PLEKHA6: variants seen among roughly 807,000 people sequenced by gnomAD.
PLEKHA6 encodes pleckstrin homology domain-containing family A member 6.
In PLEKHA6, 60 loss-of-function variants were observed where a neutral mutation model predicts 116.7. The ratio of observed to expected loss-of-function variants is 0.51; its 90% CI spans 0.42 to 0.64. The LOEUF is 0.64. PLEKHA6 is among the 30% of genes least tolerant of loss of function. The pLI is 0.00. For synonymous variants in PLEKHA6, 489 were observed against 556.1 expected, an observed-to-expected ratio of 0.88 and a Z score of 1.70; for missense variants, 1,338 against 1,422.7, an observed-to-expected ratio of 0.94 and a Z score of 0.96.
intron 1 of PLEKHA6, chr1:204,275,691 G>A (rs543179570): frequency 1.5e-4 from 148 of 984,834 alleles, no homozygotes; most frequent in Middle Eastern, 1.0e-3. Flanking sequence ...CAGACAGAGC[G>A]CAGAGGGGCT....
At position 204,245,632 on chromosome 1, in the gene PLEKHA6, T is replaced by C; in HGVS notation, c.2015A>G (p.Asp672Gly). The C allele has an allele frequency of 1.2e-6, 2 of 1,610,978 alleles. No individual in the cohort carries two copies. Among genetic ancestry groups the C allele is most frequent in the Non-Finnish European group, 1.7e-6 (2 of 1,177,392 alleles). ...LRKNNPSRGTDTAKHRGGLGP... is the reference protein window; with the variant it reads ...LRKNNPSRGTGTAKHRGGLGP... ...GCACCCACCTCTGTGCTTGGCGGTGTCCGTGCCCCGGGAGGGGTTGTTCTT... is the reference window on the plus strand; with the variant it reads ...GCACCCACCTCTGTGCTTGGCGGTGCCCGTGCCCCGGGAGGGGTTGTTCTT... Residue 672 changes from aspartate to glycine, a missense_variant, in exon 14 of 23, where the codon GAC becomes GGC. By Grantham distance (94) the Asp-to-Gly change is moderately conservative (BLOSUM62 -1). This residue lies in a region of PLEKHA6 where 1,136 missense variants were observed against 1,163.6 expected (regional missense o/e 0.98). Coordinates refer to ENST00000272203, the MANE Select transcript of PLEKHA6 (RefSeq NM_014935.5).
In PLEKHA6 at chr1:204,257,454, G is replaced by A. The variant is rs769675445; in HGVS notation, c.1423C>T (p.Arg475Cys). 7.3e-5 allele frequency: 115 copies of A among 1,570,168 alleles called. No homozygotes were observed. Among genetic ancestry groups the A allele is most frequent in the Admixed American group, 1.5e-4 (8 of 53,006 alleles). Residue 475 changes from arginine (R) to cysteine (C), a missense_variant, in exon 9 of 23, where the codon CGC (arginine) becomes TGC (cysteine). Arg to Cys is a radical substitution (Grantham distance 180). Around this residue, in one of 3 missense-constraint regions of PLEKHA6, gnomAD observed 1,136 missense variants for 1,163.6 expected, o/e 0.98. Transcript: ENST00000272203. This position sits in a 1 kb window ranked among gnomAD's most constrained non-coding sequence, Gnocchi z 6.5. The part of the protein sequence containing the change: ...YSRARIYSPV[R>C]SPSARFERLP... Reference sequence around the variant, plus strand: ...CGCTCAAAACGGGCACTGGGTGAGCGGACAGGGGAGTAAATGCGGGCACGG... The same window carrying A: ...CGCTCAAAACGGGCACTGGGTGAGCAGACAGGGGAGTAAATGCGGGCACGG...
At chr1:204,265,082 T>C in intron 5 of PLEKHA6, 40 bp from the exon 6 acceptor site, 1 of 1,331,430 alleles carries the variant, frequency 7.5e-7, no homozygotes, top group Non-Finnish European at 1.1e-6. Context: ...TGTGTGTGTG[T>C]GTGCAAGCGT....
chr1:204,223,449 G>T lies in PLEKHA6; in HGVS notation c.*8+13C>A, dbSNP rs567008498. On this transcript the variant is annotated intron_variant, in intron 22 of 22. Transcript: ENST00000272203. This position sits in a 1 kb window ranked among gnomAD's most constrained non-coding sequence, Gnocchi z 4.8. ...CTCCCGAGGTGGATGAAATACAGTA[G>T]AAAAGTGCTTACGTCAGAGCTCAGA... The T allele has an allele frequency of 3.3e-5, 47 of 1,409,822 alleles. No individual in the cohort carries two copies. The South Asian group carries it at 5.3e-4, about 16-fold the overall frequency. 87.3% of individuals were successfully genotyped at this position (1,409,822 alleles called of 1,614,324 possible).
intron 1 of PLEKHA6, among the ~76,000 whole-genome samples, chr1:204,312,841 ATTTTCTTTTCTTTTCTTTTCTTTTC>A (rs138741377): frequency 3.6e-4 from 51 of 140,596 alleles, no homozygotes; most frequent in African/African-American, 1.0e-3. Context: ...CCCTTAGCCC[ATTTTCTTTTCTTTTCTTTTCTTTTC>A]TTTTCTTTTC....
At chr1:204,369,609 C>G (rs1673736070) in intron 2 of PLEKHA6, 2 of 152,278 alleles carry the variant, frequency 1.3e-5, no homozygotes, top group Non-Finnish European at 1.5e-5. Context: ...CTGGGCAACA[C>G]CAAGAGTGCT....
chr1:204,287,083 A>C (rs1269318535), intron 1 of PLEKHA6, among the ~76,000 whole-genome samples: 1 of 152,146 alleles, frequency 6.6e-6, no homozygotes, highest in Non-Finnish European at 1.5e-5. Context: ...TAGGCTCTCC[A>C]GAGCCCCGAG....
At chr1:204,269,691 CTA>C (rs1156997871) in intron 3 of PLEKHA6, among the ~76,000 whole-genome samples, 1 of 152,156 alleles carries the variant, frequency 6.6e-6, no homozygotes, top group Non-Finnish European at 1.5e-5. Flanking sequence ...TGTCCTTACA[CTA>C]TCTTTGCCTC....
In PLEKHA6 at chr1:204,324,482, A is replaced by G. The variant is rs77998080; in HGVS notation, c.-95+35212T>C. 4.0e-3 allele frequency among the ~76,000 whole-genome samples: 609 copies of G among 152,316 alleles called. 4 individuals carry two copies. Among genetic ancestry groups the G allele is most frequent in the African/African-American group, 0.014 (572 of 41,556 alleles). ...CTGGCTACTTTGCAGCCCCCATTAG[A>G]GAGGCAGCTCGTGATGAGACAGAAA... On this transcript the variant is annotated intron_variant, in intron 1 of 22. Transcript: ENST00000272203.
rs1673751298 is a variant in PLEKHA6, at chr1:204,370,402, A to G, written c.160+1128T>C. ...TGAAGCGCTGGAAGGCGAGAGGGGG[A>G]AGGGCTGGAAGGCGGGAAGGGGAGA... On this transcript the variant is annotated intron_variant, in intron 2 of 4. Coordinates refer to the PLEKHA6 transcript ENST00000564627. Among the ~76,000 whole-genome samples, 3 of 152,244 alleles carry G rather than the reference A, an allele frequency of 2.0e-5. No individual in the cohort carries two copies. In the South Asian group the frequency reaches 6.2e-4, roughly 32 times the overall value.
In PLEKHA6 at chr1:204,261,314, C is replaced by T. The variant is rs56201964; in HGVS notation, c.516G>A (p.Val172=). ...PPAQKSVPQA[V]RHSHEKPDSE... is the part of the protein sequence containing the mutation. Reference sequence around the variant, plus strand: ...AATTCCCTGGCACTCACCTGTGCCGCACAGCTTGGGGCACTGACTTCTGGG... The same window carrying T: ...AATTCCCTGGCACTCACCTGTGCCGTACAGCTTGGGGCACTGACTTCTGGG... The change falls in exon 7 of 23, where the codon GTG becomes GTA. Residue 172 remains valine (V), a synonymous_variant. Coordinates refer to ENST00000272203, the MANE Select transcript of PLEKHA6 (RefSeq NM_014935.5). This position sits in a 1 kb window ranked among gnomAD's most constrained non-coding sequence, Gnocchi z 4.0. 1.7e-4 allele frequency: 271 copies of T among 1,614,226 alleles called. No individual in the cohort carries two copies. Among genetic ancestry groups the T allele is most frequent in the Non-Finnish European group, 1.6e-4 (183 of 1,180,054 alleles).
chr1:204,232,808 G>A (rs1309501833), intron 17 of PLEKHA6, among the ~76,000 whole-genome samples: 1 of 152,128 alleles, frequency 6.6e-6, no homozygotes, highest in Non-Finnish European at 1.5e-5. Flanking sequence ...GGTCCCAGAG[G>A]GCAGGGGAGT....
At chr1:204,321,495 C>T (rs1485410658) in intron 1 of PLEKHA6, among the ~76,000 whole-genome samples, 3 of 151,326 alleles carry the variant, frequency 2.0e-5, no homozygotes, top group Non-Finnish European at 4.4e-5. Flanking sequence ...GATCTAGTTC[C>T]GGCGCCCATG....
rs571597396 is a variant in PLEKHA6, at chr1:204,373,904, G to C, written c.84-2298C>G. On this transcript the variant is annotated intron_variant, in intron 1 of 4. Coordinates refer to the PLEKHA6 transcript ENST00000564627. ...ATACTGGGTCTCTGGTCTTGGCTTT[G>C]GTCCTGGGAGGCAGTGGAAGAGGAA... is the stretch of plus-strand genomic sequence containing the variant. Among the ~76,000 whole-genome samples the C allele has an allele frequency of 1.5e-3, 232 of 152,222 alleles. 1 individual carries two copies. Among genetic ancestry groups the C allele is most frequent in the Middle Eastern group, 3.4e-3 (1 of 294 alleles).
At position 204,261,709 on chromosome 1, in the gene PLEKHA6, C is replaced by T. The variant is rs1666141517; in HGVS notation, c.382-261G>A. Among the ~76,000 whole-genome samples, 1 of 152,212 alleles carries T rather than the reference C, an allele frequency of 6.6e-6. No homozygotes were observed. The highest frequency in any genetic ancestry group is 1.5e-5 in the Non-Finnish European group (1 of 68,034). On this transcript the variant is annotated intron_variant, in intron 6 of 22. Coordinates refer to ENST00000272203, the MANE Select transcript of PLEKHA6 (RefSeq NM_014935.5). This position sits in a 1 kb window ranked among gnomAD's most constrained non-coding sequence, Gnocchi z 4.0. Reference sequence around the variant, plus strand: ...TTAGGCAGCCCAATAACCAGGTCAGCCTACTTGCCCCACCTGGGGTAATTA... The same window carrying T: ...TTAGGCAGCCCAATAACCAGGTCAGTCTACTTGCCCCACCTGGGGTAATTA...
In PLEKHA6 at chr1:204,228,972, C is replaced by G. The variant is rs145574759; in HGVS notation, c.2716G>C (p.Glu906Gln). ...ATGTCCACGTCATAATGCTGGGGCT[C>G]TAGCTCCATTTTGCGAAGCCGGGCA... ...EIARLRKMEL[E>Q]PQHYDVDINK... is the part of the protein sequence containing the mutation. Residue 906 changes from glutamate (E) to glutamine (Q), a missense_variant, in exon 19 of 23, where the codon GAG becomes CAG. This residue lies in a region of PLEKHA6 where 1,136 missense variants were observed against 1,163.6 expected (regional missense o/e 0.98). Coordinates refer to ENST00000272203, the MANE Select transcript of PLEKHA6 (RefSeq NM_014935.5). The surrounding 1 kb of genome is among the most constrained non-coding windows in gnomAD (Gnocchi z 4.0). 3.8e-5 allele frequency: 62 copies of G among 1,614,054 alleles called. No individual in the cohort carries two copies. The highest frequency in any genetic ancestry group is 4.5e-5 in the Non-Finnish European group (53 of 1,180,024).
intron 1 of PLEKHA6, among the ~76,000 whole-genome samples, chr1:204,296,134 G>A (rs552064464): frequency 1.1e-3 from 160 of 152,216 alleles, no homozygotes; most frequent in Non-Finnish European, 8.4e-4. Flanking sequence ...GAGGGGCGTG[G>A]TCCTCATTAA....
At chr1:204,251,478 C>A in intron 9 of PLEKHA6, 1 of 696,614 alleles carries the variant, frequency 1.4e-6, no homozygotes, top group Middle Eastern at 2.4e-4. Context: ...CGACCATGCA[C>A]AAGCAGCTGA....
At chr1:204,254,359 G>A (rs983073729) in intron 9 of PLEKHA6, among the ~76,000 whole-genome samples, 2 of 152,150 alleles carry the variant, frequency 1.3e-5, no homozygotes, top group Non-Finnish European at 2.9e-5. Flanking sequence ...ATCGAATTGC[G>A]ACACCGACAT....
Sources: gnomAD v4.1 joint callset for allele counts (sites outside exome capture counted in the v4.1 genomes callset) on GRCh38, gnomAD v4.1.1 for gene constraint, gnomAD v4.1.1 regional missense constraint, Gnocchi (gnomAD v3.1) non-coding constraint, MANE v1.5 for transcripts, NCBI Gene and HGNC (gene_info 2026-07-23, HGNC 2026-07-21) for gene names.